The following MAML3 variants were observed in gnomAD, a reference collection of about 807,000 sequenced individuals.
MAML3 encodes mastermind-like protein 3.
In MAML3, 27 loss-of-function variants were observed where a neutral mutation model predicts 101.9. That is an observed-to-expected ratio of 0.27 (90% CI 0.20 to 0.37). MAML3 has a LOEUF of 0.37. Among genes scored for constraint, MAML3 ranks in the 10% least tolerant of loss-of-function variants. The pLI is 1.00. For missense variants in MAML3, 1,316 were observed against 1,444.9 expected, an observed-to-expected ratio of 0.91 and a Z score of 1.45; for synonymous variants, 501 against 555.9, an observed-to-expected ratio of 0.90 and a Z score of 1.39.
At chr4:139,928,896 T>C (rs1163758502) in intron 1 of MAML3, among the ~76,000 whole-genome samples, 1 of 152,058 alleles carries the variant, frequency 6.6e-6, no homozygotes, top group South Asian at 2.1e-4. Context: ...AGATAAATAT[T>C]TGGAAGCTAC....
At chr4:139,813,894 T>C (rs1363923457) in intron 2 of MAML3, among the ~76,000 whole-genome samples, 1 of 152,094 alleles carries the variant, frequency 6.6e-6, no homozygotes, top group Non-Finnish European at 1.5e-5. Context: ...CTGTGAATGA[T>C]TTCAGGACAG....
chr4:140,073,285 C>T (rs1484232951), intron 1 of MAML3, among the ~76,000 whole-genome samples: 1 of 151,960 alleles, frequency 6.6e-6, no homozygotes, highest in African/African-American at 2.4e-5. Context: ...TTATAGGCGC[C>T]TGCCACCATG....
intron 1 of MAML3, among the ~76,000 whole-genome samples, chr4:139,993,911 G>T (rs1480965084): frequency 1.3e-5 from 2 of 152,120 alleles, no homozygotes; most frequent in African/African-American, 4.8e-5. Flanking sequence ...TTGTATCTAA[G>T]AATTCTTTGC....
At position 140,025,098 on chromosome 4, in the gene MAML3, T is replaced by C. The variant is rs190036018; in HGVS notation, c.468+127762A>G. 1.5e-3 allele frequency among the ~76,000 whole-genome samples: 230 copies of C among 152,274 alleles called. 1 individual carries two copies. The highest frequency in any genetic ancestry group is 5.4e-3 in the African/African-American group (226 of 41,544). ...ACAGATTAAAAAGACTCAAGAGATATAACAACCAATGTAATGTGTGGACTT... is the reference window on the plus strand; with the variant it reads ...ACAGATTAAAAAGACTCAAGAGATACAACAACCAATGTAATGTGTGGACTT... On this transcript the variant is annotated intron_variant, in intron 1 of 4. Coordinates refer to ENST00000509479, the MANE Select transcript of MAML3 (RefSeq NM_018717.5).
Position 139,907,836 on chromosome 4 carries a change from T to C in MAML3, c.469-16869A>G, listed in dbSNP as rs568734866. Among the ~76,000 whole-genome samples, 10 of 152,336 alleles carry C rather than the reference T, an allele frequency of 6.6e-5. No individual in the cohort carries two copies. The South Asian group carries it at 1.0e-3, about 16-fold the overall frequency. On this transcript the variant is annotated intron_variant, in intron 1 of 4. Transcript: ENST00000509479. ...TAACTTATACAACTGTGCACTATTC[T>C]TCTTCACCGTGAATGATTTTGAGTA...
chr4:140,011,710 T>C (rs896629288), intron 1 of MAML3, among the ~76,000 whole-genome samples: 8 of 152,196 alleles, frequency 5.3e-5, no homozygotes, highest in Non-Finnish European at 4.4e-5. Context: ...TGATTTTTAC[T>C]ATTGCTTCAG....
intron 2 of MAML3, among the ~76,000 whole-genome samples, chr4:139,814,191 C>T (rs1403091128): frequency 3.3e-5 from 5 of 152,116 alleles, no homozygotes; most frequent in African/African-American, 4.8e-5. Context: ...TAAGTAGTAT[C>T]TAAAACATAA....
intron 2 of MAML3, among the ~76,000 whole-genome samples, chr4:139,788,232 C>T (rs1000283155): frequency 2.0e-5 from 3 of 152,148 alleles, no homozygotes; most frequent in African/African-American, 7.2e-5. Context: ...TGTACAGGCA[C>T]CTTCTATCCT....
rs536600127 is a variant in MAML3 at position 140,023,258 on chromosome 4, A to G, written c.468+129602T>C. On this transcript the variant is annotated intron_variant, in intron 1 of 4. Transcript: ENST00000509479. ...AGTTGCCCAGCTTCCCTGGACTTCA[A>G]TTTCCTGAGAGATGGACCACATAAT... Among the ~76,000 whole-genome samples, 16 of 152,306 alleles carry G rather than the reference A, an allele frequency of 1.1e-4. No homozygotes were observed. The East Asian group carries it at 2.7e-3, about 26-fold the overall frequency.
chr4:139,875,057 C>T (rs981557400), intron 2 of MAML3, among the ~76,000 whole-genome samples: 5 of 152,130 alleles, frequency 3.3e-5, no homozygotes, highest in Non-Finnish European at 7.4e-5. Context: ...CCCACCTCGG[C>T]CTCCCAAAGT....
At chr4:139,904,807 C>T (rs1289784366) in intron 1 of MAML3, among the ~76,000 whole-genome samples, 2 of 152,214 alleles carry the variant, frequency 1.3e-5, no homozygotes, top group Non-Finnish European at 2.9e-5. Context: ...GGGTCTATTG[C>T]TGCTAGGCTA....
chr4:140,111,109 T>A (rs537260638), intron 1 of MAML3, among the ~76,000 whole-genome samples: 1 of 152,346 alleles, frequency 6.6e-6, no homozygotes, highest in South Asian at 2.1e-4. Context: ...TGACACTACC[T>A]ATGCTATGTA....
chr4:140,078,469 T>C (rs1727811955), intron 1 of MAML3, among the ~76,000 whole-genome samples: 2 of 152,214 alleles, frequency 1.3e-5, no homozygotes, highest in Admixed American at 1.3e-4. Flanking sequence ...ACACCAGCGA[T>C]GTTGTGGTAA....
At chr4:139,768,224 G>T (rs1214752864) in intron 2 of MAML3, among the ~76,000 whole-genome samples, 2 of 88,938 alleles carry the variant, frequency 2.2e-5, no homozygotes, top group South Asian at 3.1e-4. Flanking sequence ...GTTGATAGTT[G>T]TGTGTGTGTG....
intron 2 of MAML3, among the ~76,000 whole-genome samples, chr4:139,877,333 A>G (rs795973): frequency 0.33 from 49,490 of 151,372 alleles, 8,377 homozygotes; most frequent in East Asian, 0.62. Flanking sequence ...GGAAAGCAGC[A>G]TTTCCCCCCA....
intron 2 of MAML3, among the ~76,000 whole-genome samples, chr4:139,843,694 C>T (rs1009969622): frequency 6.6e-6 from 1 of 152,170 alleles, no homozygotes; most frequent in African/African-American, 2.4e-5. Context: ...TATCTTAATT[C>T]GGAGTCTTCT....
chr4:140,113,939 G>A (rs577928104), intron 1 of MAML3, among the ~76,000 whole-genome samples: 2 of 152,176 alleles, frequency 1.3e-5, no homozygotes, highest in East Asian at 1.9e-4. Flanking sequence ...CTCCCACCCC[G>A]TTTTACCCCA....
At chr4:139,738,315 G>A (rs568603861) in intron 2 of MAML3, among the ~76,000 whole-genome samples, 13 of 152,318 alleles carry the variant, frequency 8.5e-5, no homozygotes, top group South Asian at 2.1e-4. Flanking sequence ...AGGCTAAGGC[G>A]GGTGGATCAC....
intron 2 of MAML3, among the ~76,000 whole-genome samples, chr4:139,788,539 G>A (rs928861241): frequency 1.2e-4 from 19 of 152,236 alleles, no homozygotes; most frequent in Middle Eastern, 3.4e-3. Context: ...CATTTTTAAA[G>A]TTACCAATAA....
Sources: gnomAD v4.1 joint callset for allele counts (sites outside exome capture counted in the v4.1 genomes callset) on GRCh38, gnomAD v4.1.1 for gene constraint, MANE v1.5 for transcripts, NCBI Gene and HGNC (gene_info 2026-07-23, HGNC 2026-07-21) for gene names.